The following FBXW8 variants were observed in gnomAD, a reference collection of about 807,000 sequenced individuals.
FBXW8 encodes the protein F-box and WD repeat domain containing 8.
In FBXW8, 57 loss-of-function variants were observed where a neutral mutation model predicts 65.3. The ratio of observed to expected loss-of-function variants is 0.87; its 90% confidence interval spans 0.71 to 1.09. FBXW8 has a LOEUF of 1.09. FBXW8 is among the 50% of genes least tolerant of loss of function. The probability of loss-of-function intolerance (pLI) is 0.00; values close to 1 mark genes in which losing one functional copy is unlikely to be tolerated. For synonymous variants in FBXW8, 308 were observed against 330.2 expected (o/e 0.93, Z 0.73); for missense variants, 777 against 814.8 (o/e 0.95, Z 0.57).
chr12:116,987,600 G>T lies in FBXW8; in HGVS notation c.1033-1063G>T, dbSNP rs553388522. ...AAACCAGGAGACAGCAGATCACTTG[G>T]ATATTTTTAACCTTTTGGCCACACA... On this transcript the variant is annotated intron_variant, in intron 6 of 10. Transcript: ENST00000652555. Among the ~76,000 whole-genome samples, 16 of 152,204 alleles carry T rather than the reference G, an allele frequency of 1.1e-4. No homozygotes were observed. The South Asian group carries it at 3.1e-3, about 30-fold the overall frequency.
At chr12:116,971,689 AT>A (rs1884657943) in intron 5 of FBXW8, among the ~76,000 whole-genome samples, 1 of 152,044 alleles carries the variant, frequency 6.6e-6, no homozygotes, top group Admixed American at 6.6e-5. Context: ...ATCTGTAGGA[AT>A]TTTTTTAAAT....
chr12:116,954,592 T>C (rs1275387630), intron 4 of FBXW8, among the ~76,000 whole-genome samples: 1 of 152,234 alleles, frequency 6.6e-6, no homozygotes. Context: ...CTTGAAATTC[T>C]ATATAAGTAT....
chr12:116,956,287 C>T (rs554433646), intron 4 of FBXW8, among the ~76,000 whole-genome samples: 7 of 152,176 alleles, frequency 4.6e-5, no homozygotes, highest in Middle Eastern at 3.4e-3. Context: ...AGAACTGTAT[C>T]ATTTGCTGCA....
At chr12:116,964,944 T>G (rs1884223173) in intron 5 of FBXW8, 90 bp downstream of exon 5, 18 of 1,334,298 alleles carry the variant, frequency 1.3e-5, no homozygotes, top group Non-Finnish European at 1.8e-5. Context: ...CTGTAATCCC[T>G]CCATATGTAC....
intron 2 of FBXW8, among the ~76,000 whole-genome samples, chr12:116,945,131 C>G (rs890247157): frequency 3.9e-5 from 6 of 152,104 alleles, no homozygotes; most frequent in African/African-American, 1.2e-4. Context: ...TACAATATAA[C>G]CAAGTAGTCT....
intron 7 of FBXW8, among the ~76,000 whole-genome samples, chr12:116,998,110 C>T (rs1336240334): frequency 1.2e-4 from 18 of 152,296 alleles, no homozygotes; most frequent in Admixed American, 3.9e-4. Context: ...TGAGCCACCG[C>T]GCCTGGCCCC....
intron 8 of FBXW8, among the ~76,000 whole-genome samples, chr12:117,016,198 G>C (rs1953943107): frequency 6.6e-6 from 1 of 152,304 alleles, no homozygotes; most frequent in African/African-American, 2.4e-5. Flanking sequence ...GGAATTGCTG[G>C]CTTATGTGGT....
intron 7 of FBXW8, among the ~76,000 whole-genome samples, chr12:116,992,425 G>GT (rs147542337): frequency 0.11 from 16,192 of 147,724 alleles, 981 homozygotes; most frequent in Middle Eastern, 0.23. Flanking sequence ...TCAGAGTTTT[G>GT]TTTTTTTTTT....
chr12:116,949,578 C>T (rs372725345), intron 3 of FBXW8, 40 bp from the exon 4 acceptor site: 46 of 1,587,866 alleles, frequency 2.9e-5, no homozygotes, highest in Non-Finnish European at 3.5e-5. Flanking sequence ...CGGGCTGTCC[C>T]GAGAGCAGTC....
At chr12:116,960,463 A>G (rs946133505) in intron 4 of FBXW8, among the ~76,000 whole-genome samples, 60 of 152,370 alleles carry the variant, frequency 3.9e-4, no homozygotes, top group African/African-American at 1.4e-3. Context: ...TTATGTTATT[A>G]TCATACCTTT....
At chr12:116,924,146 GGTTGTCCATTTTCATGTTTTTAAGTCAGT>G (rs67957560) in intron 1 of FBXW8, among the ~76,000 whole-genome samples, 105,382 of 151,648 alleles carry the variant, frequency 0.69, 40,591 homozygotes, top group Non-Finnish European at 0.85. Context: ...TGAAATGACA[GGTTGTCCATTTTCATGTTTTTAAGTCAGT>G]GTTGTCCATT....
At position 117,028,109 on chromosome 12, in the gene FBXW8, CTG is replaced by C; in HGVS notation, c.1737_1738del (p.Cys579Ter). 1.2e-6 allele frequency: 2 copies of C among 1,614,210 alleles called. No homozygotes were observed. Among genetic ancestry groups the C allele is most frequent in the South Asian group, 1.1e-5 (1 of 91,086 alleles). On this transcript the variant is annotated frameshift_variant, in exon 11 of 11. Transcript: ENST00000652555. LOFTEE classifies it low-confidence loss of function (END_TRUNC). This position sits in a 1 kb window ranked among gnomAD's most constrained non-coding sequence, Gnocchi z 4.1. ...QSPLPVCRSS[C>X]DAMATHYYDL... is the part of the protein sequence containing the mutation. ...GCCCTCTCCCTGTCTGCCGTTCATCCTGTGACGCCATGGCCACTCACTACTAC... is the reference window on the plus strand; with the variant it reads ...GCCCTCTCCCTGTCTGCCGTTCATCCTGACGCCATGGCCACTCACTACTAC...
At position 117,030,213 on chromosome 12, in the gene FBXW8, G is replaced by A. The variant is rs1263397784; in HGVS notation, c.*2041G>A. On this transcript the variant is annotated 3_prime_UTR_variant, in exon 11 of 11. Transcript: ENST00000652555. ...CCATATTCATCTCCAACTACACAGG[G>A]GAACGGAGCAGATAGAGCTGCGACT... The A allele has an allele frequency of 6.6e-6, 1 of 152,198 alleles. No homozygotes were observed. Among genetic ancestry groups the A allele is most frequent in the Non-Finnish European group, 1.5e-5 (1 of 68,030 alleles). The allele number at this position is 152,198 out of a possible 1,614,324, so 9.4% of individuals were successfully genotyped here.
intron 4 of FBXW8, among the ~76,000 whole-genome samples, chr12:116,956,098 T>C (rs1883624430): frequency 6.6e-6 from 1 of 152,184 alleles, no homozygotes; most frequent in South Asian, 2.1e-4. Context: ...TGAGAGGACA[T>C]TTTCTCTCTT....
chr12:116,977,022 A>G (rs527977627), intron 5 of FBXW8, among the ~76,000 whole-genome samples: 19 of 152,284 alleles, frequency 1.2e-4, no homozygotes, highest in South Asian at 2.1e-4. Flanking sequence ...GCCCCACCCC[A>G]GACATCGGGG....
chr12:116,981,337 AAT>A (rs1273630478), intron 5 of FBXW8, among the ~76,000 whole-genome samples: 3 of 152,248 alleles, frequency 2.0e-5, no homozygotes, highest in Non-Finnish European at 4.4e-5. Context: ...TTCAAAGGGA[AAT>A]TGCAAACCTT....
intron 10 of FBXW8, 86 bp downstream of exon 10, chr12:117,027,590 C>G: frequency 9.7e-7 from 1 of 1,032,786 alleles, no homozygotes; most frequent in Non-Finnish European, 1.5e-6. Flanking sequence ...ACACATTGCA[C>G]CCTATGGGCT....
chr12:116,925,345 G>A (rs959906654), intron 1 of FBXW8, among the ~76,000 whole-genome samples: 2 of 152,160 alleles, frequency 1.3e-5, no homozygotes, highest in African/African-American at 4.8e-5. Context: ...TTTCATCTAG[G>A]GGAATGAGTG....
chr12:116,933,546 A>G (rs1353720481), intron 2 of FBXW8, among the ~76,000 whole-genome samples: 1 of 152,150 alleles, frequency 6.6e-6, no homozygotes, highest in African/African-American at 2.4e-5. Flanking sequence ...CAGTAGTCCA[A>G]TTGTCCACCA....
Sources: allele counts gnomAD v4.1 joint callset (sites outside exome capture counted in the v4.1 genomes callset), GRCh38; gene constraint gnomAD v4.1.1; non-coding constraint Gnocchi (gnomAD v3.1); transcripts MANE v1.5; gene names NCBI Gene and HGNC (gene_info 2026-07-23, HGNC 2026-07-21).